Variants in BCL2L13 observed in about 807,000 individuals in gnomAD.
The protein encoded by BCL2L13 is BCL2 like 13.
In BCL2L13, 13 loss-of-function variants were observed where a neutral mutation model predicts 25.8. That is an observed-to-expected ratio of 0.50 (90% CI 0.33 to 0.80). BCL2L13 has a LOEUF of 0.80. BCL2L13 is among the 30% of genes least tolerant of loss of function. The probability of loss-of-function intolerance (pLI) is 0.02; values close to 1 mark genes in which losing one functional copy is unlikely to be tolerated. For synonymous variants in BCL2L13, 244 were observed against 230.3 expected (o/e 1.06, Z -0.54); for missense variants, 504 against 574.9 (o/e 0.88, Z 1.26).
rs770828395 is a variant in BCL2L13 at position 17,729,114 on chromosome 22, ATACTT to A, written c.*1584_*1588del. ...TTAGATCTTGAAATTTATAATAAAA[ATACTT>A]TACCTACCCTGATCACCAAAACCTG... On this transcript the variant is annotated 3_prime_UTR_variant, in exon 7 of 7. Transcript: ENST00000317582. 1 of 152,246 alleles carries A rather than the reference ATACTT, an allele frequency of 6.6e-6. No homozygotes were observed. Among genetic ancestry groups the A allele is most frequent in the South Asian group, 2.1e-4 (1 of 4,836 alleles). The allele number at this position is 152,246 out of a possible 1,614,324, so 9.4% of individuals were successfully genotyped here.
At chr22:17,685,367 A>G (rs2145592850) in intron 3 of BCL2L13, among the ~76,000 whole-genome samples, 1 of 152,046 alleles carries the variant, frequency 6.6e-6, no homozygotes, top group East Asian at 1.9e-4. Flanking sequence ...CTGGGATTAC[A>G]GGTACCCACC....
At chr22:17,679,982 G>A (rs1450708592) in intron 2 of BCL2L13, among the ~76,000 whole-genome samples, 6 of 151,826 alleles carry the variant, frequency 4.0e-5, no homozygotes, top group African/African-American at 1.2e-4. Flanking sequence ...GGAGGCTGGG[G>A]CGGGCGGATT....
At chr22:17,661,986 C>T (rs1175023035) in intron 2 of BCL2L13, among the ~76,000 whole-genome samples, 1 of 142,604 alleles carries the variant, frequency 7.0e-6, no homozygotes, top group Middle Eastern at 3.4e-3. Flanking sequence ...AGTGAAACTC[C>T]ATCTCAAAAA....
intron 4 of BCL2L13, among the ~76,000 whole-genome samples, chr22:17,695,270 A>T (rs1411111286): frequency 6.6e-6 from 1 of 152,180 alleles, no homozygotes; most frequent in Non-Finnish European, 1.5e-5. Flanking sequence ...CTGGATACTC[A>T]GGAAGAAGGA....
intron 3 of BCL2L13, among the ~76,000 whole-genome samples, chr22:17,687,900 C>A (rs536949452): frequency 6.7e-6 from 1 of 150,220 alleles, no homozygotes; most frequent in Admixed American, 6.7e-5. Flanking sequence ...TCGCTGCAAC[C>A]TCTATCTCCC....
At chr22:17,685,025 A>G (rs752496495) in intron 3 of BCL2L13, among the ~76,000 whole-genome samples, 49 of 151,432 alleles carry the variant, frequency 3.2e-4, no homozygotes, top group Middle Eastern at 3.4e-3. Flanking sequence ...ATGAGCCACC[A>G]CGCCCGGCCT....
chr22:17,693,372 GTTTTT>G (rs869268984), intron 4 of BCL2L13, among the ~76,000 whole-genome samples: 1 of 70,612 alleles, frequency 1.4e-5, no homozygotes, highest in Non-Finnish European at 2.7e-5. Context: ...TTTAGTGTTT[GTTTTT>G]TTTTTTTTTT....
chr22:17,658,071 C>T (rs796911142), intron 2 of BCL2L13, among the ~76,000 whole-genome samples: 12 of 151,906 alleles, frequency 7.9e-5, no homozygotes, highest in African/African-American at 2.9e-4. Flanking sequence ...CCGCCCTCCT[C>T]AGCCTCCCAA....
Position 17,729,530 on chromosome 22 carries a change from A to G in BCL2L13, c.*1996A>G, listed in dbSNP as rs769247820. ...ATAAATCCTATGAGTTCCAGTATTA[A>G]CACTTGCCAGTTCTGGATCCTCACA... On this transcript the variant is annotated 3_prime_UTR_variant, in exon 7 of 7. Transcript: ENST00000317582. 3 of 152,206 alleles carry G rather than the reference A, an allele frequency of 2.0e-5. No homozygotes were observed. The highest frequency in any genetic ancestry group is 4.8e-5 in the African/African-American group (2 of 41,448). 9.4% of individuals were successfully genotyped at this position (152,206 alleles called of 1,614,324 possible).
chr22:17,723,593 CT>C lies in BCL2L13; in HGVS notation c.601-3082del, dbSNP rs1292773660. Among the ~76,000 whole-genome samples, 8 of 152,260 alleles carry C rather than the reference CT, an allele frequency of 5.3e-5. 2 individuals carry two copies. The highest frequency in any genetic ancestry group is 1.9e-4 in the African/African-American group (8 of 41,546). ...AATAGCAAGTTATGAAATAGCATAA[CT>C]TACTGATTACTTCCTATGTACAAAG... is the stretch of plus-strand genomic sequence containing the variant. On this transcript the variant is annotated intron_variant, in intron 6 of 6. Transcript: ENST00000317582.
intron 3 of BCL2L13, 148 bp downstream of exon 3, chr22:17,683,469 C>A: frequency 1.8e-6 from 1 of 555,730 alleles, no homozygotes; most frequent in Non-Finnish European, 3.2e-6. Flanking sequence ...AAGGGTAAAA[C>A]TAGAAGGTAG....
At chr22:17,716,566 C>A (rs2060950591) in intron 6 of BCL2L13, among the ~76,000 whole-genome samples, 1 of 152,158 alleles carries the variant, frequency 6.6e-6, no homozygotes. Flanking sequence ...GAAAGATTGA[C>A]TTTACCTCCT....
intron 4 of BCL2L13, 97 bp from the exon 5 acceptor site, chr22:17,696,044 G>T: frequency 6.2e-6 from 5 of 802,468 alleles, no homozygotes; most frequent in Non-Finnish European, 1.0e-5. Context: ...TGTCAGTTTA[G>T]CAAAAAGTTC....
At chr22:17,699,088 C>A (rs572392501) in intron 5 of BCL2L13, among the ~76,000 whole-genome samples, 1 of 152,242 alleles carries the variant, frequency 6.6e-6, no homozygotes, top group Admixed American at 6.5e-5. Context: ...ATCTTTTTGG[C>A]AAGAATACCT....
Position 17,726,865 on chromosome 22 carries a change from C to A in BCL2L13, c.789C>A (p.His263Gln). The A allele has an allele frequency of 1.2e-6, 2 of 1,613,982 alleles. No individual in the cohort carries two copies. The highest frequency in any genetic ancestry group is 1.7e-6 in the Non-Finnish European group (2 of 1,179,850). Residue 263 changes from histidine (H) to glutamine (Q), a missense_variant, in exon 7 of 7, where the codon CAC (histidine) becomes CAA (glutamine). Coordinates refer to ENST00000317582, the MANE Select transcript of BCL2L13 (RefSeq NM_015367.4). ...CACTGTCAGCTAGCCAGAGTTGGCA[C>A]ACAGAAAGCCTGCCAGTGTCACTAG... ...PVSLSASQSWHTESLPVSLGP... is the reference protein window; with the variant it reads ...PVSLSASQSWQTESLPVSLGP...
chr22:17,693,080 A>G (rs2060150196), intron 4 of BCL2L13, among the ~76,000 whole-genome samples: 1 of 152,048 alleles, frequency 6.6e-6, no homozygotes, highest in Admixed American at 6.6e-5. Flanking sequence ...GGCCTTTGAT[A>G]CCAGATCTGA....
chr22:17,701,136 G>C (rs1459767446), intron 5 of BCL2L13, among the ~76,000 whole-genome samples: 4 of 151,970 alleles, frequency 2.6e-5, no homozygotes, highest in Non-Finnish European at 5.9e-5. Context: ...GTTAGTTTCT[G>C]TTGTAATTTT....
chr22:17,680,906 G>A (rs1241378072), intron 2 of BCL2L13, among the ~76,000 whole-genome samples: 1 of 152,086 alleles, frequency 6.6e-6, no homozygotes, highest in East Asian at 1.9e-4. Context: ...CCATACCTGC[G>A]AGGTCTGGTC....
intron 2 of BCL2L13, among the ~76,000 whole-genome samples, chr22:17,681,362 C>G (rs932390203): frequency 3.3e-5 from 5 of 151,762 alleles, no homozygotes; most frequent in African/African-American, 1.2e-4. Flanking sequence ...AAAAATTAGG[C>G]GGGTGTGGTG....
Sources: gnomAD v4.1 joint callset for allele counts (sites outside exome capture counted in the v4.1 genomes callset) on GRCh38, gnomAD v4.1.1 for gene constraint, MANE v1.5 for transcripts, NCBI Gene and HGNC (gene_info 2026-07-23, HGNC 2026-07-21) for gene names.